The following RYR2 variants were observed in gnomAD, a reference collection of about 807,000 sequenced individuals.
RYR2 encodes ryanodine receptor 2.
In RYR2, 227 loss-of-function variants were observed where a neutral mutation model predicts 601.1. The ratio of observed to expected loss-of-function variants is 0.38; its 90% CI spans 0.34 to 0.42. The LOEUF (loss-of-function observed/expected upper bound fraction) is 0.42, where lower values mean the gene tolerates loss of function less well. RYR2 is among the 10% of genes least tolerant of loss of function. The probability of loss-of-function intolerance (pLI) is 1.00; values close to 1 mark genes in which losing one functional copy is unlikely to be tolerated. For synonymous variants in RYR2, 2,223 were observed against 2,175.1 expected (o/e 1.02, Z -0.61); for missense variants, 4,646 against 6,156.5 (o/e 0.75, Z 8.21).
At chr1:237,163,355 A>ACCCCCCCCCCCCCCCCCCC (rs67343728) in intron 1 of RYR2, among the ~76,000 whole-genome samples, 1 of 90,280 alleles carries the variant, frequency 1.1e-5, no homozygotes, top group African/African-American at 5.9e-5. Context: ...CCAACCCCCT[A>ACCCCCCCCCCCCCCCCCCC]CCCCCCCCAC....
intron 11 of RYR2, among the ~76,000 whole-genome samples, chr1:237,422,073 G>A (rs1459076099): frequency 1.3e-5 from 2 of 152,026 alleles, no homozygotes; most frequent in Non-Finnish European, 2.9e-5. Flanking sequence ...TGCATGGTAC[G>A]GTGTTAAGGG....
At chr1:237,613,731 C>A (rs1343644853) in intron 36 of RYR2, among the ~76,000 whole-genome samples, 2 of 152,148 alleles carry the variant, frequency 1.3e-5, no homozygotes, top group Non-Finnish European at 2.9e-5. Context: ...ATTCGAAATG[C>A]TCCAAAATCG....
At chr1:237,591,089 T>TCTCCTC in intron 31 of RYR2, 97 bp downstream of exon 31, 1 of 738,784 alleles carries the variant, frequency 1.4e-6, no homozygotes. Flanking sequence ...TTTTCCTCCT[T>TCTCCTC]CTCCTCCTCC....
chr1:237,270,737 C>A (rs1358085891), intron 2 of RYR2, 121 bp downstream of exon 2: 2 of 1,090,346 alleles, frequency 1.8e-6, no homozygotes, highest in Non-Finnish European at 2.6e-6. Flanking sequence ...AGGGATATAA[C>A]AATGTTTTCC....
chr1:237,182,244 C>T (rs1189254107), intron 1 of RYR2, among the ~76,000 whole-genome samples: 1 of 152,096 alleles, frequency 6.6e-6, no homozygotes, highest in Non-Finnish European at 1.5e-5. Flanking sequence ...TCCTCAGCCT[C>T]CTGAGTAGCT....
intron 73 of RYR2, among the ~76,000 whole-genome samples, chr1:237,718,800 T>C (rs573615525): frequency 7.9e-5 from 12 of 152,316 alleles, no homozygotes; most frequent in African/African-American, 2.6e-4. Context: ...TATTATACTT[T>C]AAGTTTTAGG....
chr1:237,686,041 C>T (rs1242012085), intron 62 of RYR2, among the ~76,000 whole-genome samples: 1 of 152,206 alleles, frequency 6.6e-6, no homozygotes, highest in Admixed American at 6.5e-5. Flanking sequence ...TTCTCTGCTT[C>T]CCTCTCTTCC....
At position 237,172,692 on chromosome 1, in the gene RYR2, A is replaced by C. The variant is rs145834328; in HGVS notation, c.49-97805A>C. On this transcript the variant is annotated intron_variant, in intron 1 of 104. Coordinates refer to ENST00000366574, the MANE Select transcript of RYR2 (RefSeq NM_001035.3). ...GGCAAAACCGGAGTTTTATTGATGG[A>C]CTTCCTTTATGTACTCACTCTGCGT... is the stretch of plus-strand genomic sequence containing the variant. Among the ~76,000 whole-genome samples, 564 of 152,264 alleles carry C rather than the reference A, an allele frequency of 3.7e-3. 2 individuals carry two copies. Among genetic ancestry groups the C allele is most frequent in the African/African-American group, 0.013 (528 of 41,554 alleles).
chr1:237,631,701 C>G lies in RYR2; in HGVS notation c.6555+160C>G, dbSNP rs368205106. On this transcript the variant is annotated intron_variant, in intron 42 of 104. Transcript: ENST00000366574. ...TGGAGTGCAGTGCACGATCTCGGCT[C>G]ACTGCAAGCTCCGCCTCCCGGGTTC... 1.3e-4 allele frequency among the ~76,000 whole-genome samples: 18 copies of G among 135,922 alleles called. No homozygotes were observed. The East Asian group carries it at 3.4e-3, about 26-fold the overall frequency. The allele number at this position is 135,922 out of a possible 152,430, so 89.2% of individuals were successfully genotyped here.
At chr1:237,438,414 G>C (rs1178862794) in intron 12 of RYR2, among the ~76,000 whole-genome samples, 2 of 152,106 alleles carry the variant, frequency 1.3e-5, no homozygotes, top group African/African-American at 4.8e-5. Flanking sequence ...TGTAGTAGAG[G>C]CTCTGAATTT....
chr1:237,809,970 A>G (rs986112915), intron 100 of RYR2, among the ~76,000 whole-genome samples: 7 of 151,564 alleles, frequency 4.6e-5, no homozygotes, highest in Non-Finnish European at 1.5e-5. Flanking sequence ...ATTTGGGGGG[A>G]AATGATAAAA....
chr1:237,315,724 G>A (rs1245305747), intron 2 of RYR2, among the ~76,000 whole-genome samples: 1 of 152,140 alleles, frequency 6.6e-6, no homozygotes, highest in Admixed American at 6.5e-5. Flanking sequence ...TCATCAAGAA[G>A]TGTTTCATGG....
At position 237,156,176 on chromosome 1, in the gene RYR2, C is replaced by T. The variant is rs902360958; in HGVS notation, c.48+113607C>T. On this transcript the variant is annotated intron_variant, in intron 1 of 104. Transcript: ENST00000366574. ...GTCAAGTGTTTCTCAAAATGTGTTC[C>T]GTGGGACCCCACCCAGGTGCTATTC... Among the ~76,000 whole-genome samples the T allele has an allele frequency of 1.1e-4, 17 of 152,280 alleles. No individual in the cohort carries two copies. In the East Asian group the frequency reaches 1.2e-3, roughly 10 times the overall value.
intron 1 of RYR2, among the ~76,000 whole-genome samples, chr1:237,255,938 G>T (rs979022106): frequency 1.3e-5 from 2 of 151,772 alleles, no homozygotes; most frequent in African/African-American, 4.8e-5. Flanking sequence ...GGGGACACAG[G>T]AGTGTGGCAG....
intron 1 of RYR2, among the ~76,000 whole-genome samples, chr1:237,074,020 A>AT (rs201766010): frequency 2.6e-5 from 4 of 152,094 alleles, no homozygotes; most frequent in Admixed American, 6.6e-5. Context: ...AAGATTTAAA[A>AT]TTTTTTTGTG....
intron 2 of RYR2, among the ~76,000 whole-genome samples, chr1:237,308,986 G>A (rs1403855648): frequency 6.6e-6 from 1 of 152,250 alleles, no homozygotes; most frequent in African/African-American, 2.4e-5. Flanking sequence ...GTCCCCACTA[G>A]ATTAGCTAGA....
chr1:237,828,508 C>T, intron 102 of RYR2, 63 bp downstream of exon 102: 2 of 1,056,672 alleles, frequency 1.9e-6, no homozygotes, highest in Non-Finnish European at 2.8e-6. Context: ...TCCTCACTAC[C>T]TTTATCAATA....
rs762792701 is a variant in RYR2, at chr1:237,506,738, T to A, written c.2642T>A (p.Ile881Lys). Reference protein sequence around the residue: ...QIVLPPHLERIREKLAENIHE... With the variant: ...QIVLPPHLERKREKLAENIHE... ...GTGTTGCCTCCTCATCTAGAAAGAA[T>A]AAGAGAAAAACTGGCAGAGAATATC... Residue 881 changes from isoleucine to lysine, a missense_variant, in exon 23 of 105, where the codon ATA (isoleucine) becomes AAA (lysine). Transcript: ENST00000366574. 1.1e-5 allele frequency: 17 copies of A among 1,613,586 alleles called. No homozygotes were observed. In the South Asian group the frequency reaches 1.8e-4, roughly 17 times the overall value.
chr1:237,798,940 A>ATACTT (rs1659617658), intron 97 of RYR2, among the ~76,000 whole-genome samples: 1 of 152,216 alleles, frequency 6.6e-6, no homozygotes, highest in Non-Finnish European at 1.5e-5. Flanking sequence ...AAGAAACATA[A>ATACTT]TACTTTCTCT....
Sources: gnomAD v4.1 joint callset for allele counts (sites outside exome capture counted in the v4.1 genomes callset) on GRCh38, gnomAD v4.1.1 for gene constraint, MANE v1.5 for transcripts, NCBI Gene and HGNC (gene_info 2026-07-23, HGNC 2026-07-21) for gene names.